Variants in TMEM179 observed in about 807,000 individuals in gnomAD.
TMEM179 encodes transmembrane protein 179.
TMEM179 carries 17 observed loss-of-function variants against 22.2 expected under a neutral mutation model. The observed-to-expected ratio is 0.77, with a 90% CI of 0.52 to 1.15. The LOEUF is 1.15. Among genes scored for constraint, TMEM179 ranks in the 50% most tolerant of loss-of-function variants. The pLI, the probability that TMEM179 is intolerant of heterozygous loss-of-function variation, is 0.00. For synonymous variants in TMEM179, 127 were observed against 140.5 expected (o/e 0.90, Z 0.68); for missense variants, 265 against 313.6 (o/e 0.84, Z 1.17).
At chr14:104,603,092 G>A (rs1887292557) in intron 1 of TMEM179, among the ~76,000 whole-genome samples, 2 of 152,176 alleles carry the variant, frequency 1.3e-5, no homozygotes, top group Admixed American at 6.5e-5. Flanking sequence ...TCCAGTTGGT[G>A]CAACTGTGCT....
chr14:104,602,238 C>T (rs1887262356), intron 1 of TMEM179, among the ~76,000 whole-genome samples: 1 of 152,220 alleles, frequency 6.6e-6, no homozygotes, highest in South Asian at 2.1e-4. Context: ...GTCTTGCAAG[C>T]TCTGGGGCTC....
At chr14:104,594,408 G>A (rs1481091510) in intron 3 of TMEM179, 3 of 1,231,628 alleles carry the variant, frequency 2.4e-6, no homozygotes, top group Non-Finnish European at 3.0e-6. Context: ...GAAGCCAGCG[G>A]GCCCTGATCA....
chr14:104,600,226 C>G (rs1028876304), intron 1 of TMEM179, among the ~76,000 whole-genome samples: 3 of 152,220 alleles, frequency 2.0e-5, no homozygotes, highest in Non-Finnish European at 2.9e-5. Flanking sequence ...ACAGGGCCAC[C>G]CAGCCCCTCC....
chr14:104,600,613 CTCAT>C (rs572258329), intron 1 of TMEM179, among the ~76,000 whole-genome samples: 2,036 of 151,484 alleles, frequency 0.013, 29 homozygotes, highest in East Asian at 0.04. Context: ...CATTCATTTA[CTCAT>C]TCATTCATTC....
intron 1 of TMEM179, among the ~76,000 whole-genome samples, chr14:104,603,533 A>AGTGGGTGGGTTCACAGAGGGG (rs1887307962): frequency 6.9e-5 from 1 of 14,478 alleles, no homozygotes; most frequent in East Asian, 2.6e-3. Context: ...TCACAGAGGG[A>AGTGGGTGGGTTCACAGAGGGG]GTGGGTGGGC....
intron 2 of TMEM179, 28 bp downstream of exon 2, chr14:104,596,962 G>A (rs1596297544): frequency 1.9e-6 from 3 of 1,593,942 alleles, no homozygotes; most frequent in Non-Finnish European, 1.7e-6. Context: ...GAGGTGGGCG[G>A]AGGCCGAGGC....
At chr14:104,598,710 T>A (rs1261994082) in intron 1 of TMEM179, among the ~76,000 whole-genome samples, 1 of 152,202 alleles carries the variant, frequency 6.6e-6, no homozygotes, top group Non-Finnish European at 1.5e-5. Context: ...TTGTAACATC[T>A]GGTGCCTCCA....
At chr14:104,603,606 T>TTCACAGAGGGAGTGGATGGGC (rs1887316169) in intron 1 of TMEM179, among the ~76,000 whole-genome samples, 2 of 122,840 alleles carry the variant, frequency 1.6e-5, no homozygotes, top group African/African-American at 3.5e-5. Context: ...GGTGGGTGGA[T>TTCACAGAGGGAGTGGATGGGC]TCACAGAGGT....
rs536419475 is a variant in TMEM179 at position 104,597,136 on chromosome 14, A to T, written c.306-9T>A. The T allele has an allele frequency of 2.5e-6, 4 of 1,580,512 alleles. No homozygotes were observed. Among genetic ancestry groups the T allele is most frequent in the Non-Finnish European group, 3.4e-6 (4 of 1,164,640 alleles). ...AGGCGGAGAAGAAGGAGCTGCAGCC[A>T]GAAACAGGAGGGGCAGGCTCACTGG... is the stretch of plus-strand genomic sequence containing the variant. On this transcript the variant is annotated splice_polypyrimidine_tract_variant and intron_variant, in intron 1 of 3. Coordinates refer to ENST00000556573, the MANE Select transcript of TMEM179 (RefSeq NM_001286389.2). This position sits in a 1 kb window ranked among gnomAD's most constrained non-coding sequence, Gnocchi z 4.8.
intron 1 of TMEM179, among the ~76,000 whole-genome samples, chr14:104,601,905 G>A (rs909242225): frequency 3.3e-5 from 5 of 152,134 alleles, no homozygotes; most frequent in African/African-American, 1.2e-4. Flanking sequence ...CCACAGGCCT[G>A]AGCATACCAG....
chr14:104,603,297 C>T (rs1410890620), intron 1 of TMEM179, among the ~76,000 whole-genome samples: 1 of 152,062 alleles, frequency 6.6e-6, no homozygotes, highest in Non-Finnish European at 1.5e-5. Flanking sequence ...CTTCCCCACT[C>T]CTGCCGCCCA....
chr14:104,591,443 G>C lies in TMEM179; in HGVS notation c.*2036C>G, dbSNP rs1255811727. ...TGGAAAGAGTCCCCATGTCCAGTGG[G>C]TCAGGGCTGGAAGGGGAGACAGGGG... On this transcript the variant is annotated 3_prime_UTR_variant, in exon 4 of 4. Coordinates refer to ENST00000556573, the MANE Select transcript of TMEM179 (RefSeq NM_001286389.2). The C allele has an allele frequency of 4.4e-6, 2 of 455,842 alleles. No individual in the cohort carries two copies. Among genetic ancestry groups the C allele is most frequent in the Non-Finnish European group, 4.4e-6 (1 of 226,722 alleles). The allele number at this position is 455,842 out of a possible 1,614,324, so 28.2% of individuals were successfully genotyped here.
At position 104,592,031 on chromosome 14, in the gene TMEM179, C is replaced by T. The variant is rs1886861992; in HGVS notation, c.*1448G>A. ...CACTTGCTTCTGCGGGGCCTCAGCA[C>T]ACAGACTCTGCAGAATGGGAAGGCA... On this transcript the variant is annotated 3_prime_UTR_variant, in exon 4 of 4. Coordinates refer to ENST00000556573, the MANE Select transcript of TMEM179 (RefSeq NM_001286389.2). 1 of 156,734 alleles carries T rather than the reference C, an allele frequency of 6.4e-6. No individual in the cohort carries two copies. The highest frequency in any genetic ancestry group is 1.4e-5 in the Non-Finnish European group (1 of 70,654). The allele number at this position is 156,734 out of a possible 1,614,324, so 9.7% of individuals were successfully genotyped here. A position where few individuals can be genotyped will look rare whatever the true frequency, so the allele number is the denominator to read the frequency against.
chr14:104,599,269 C>CATGG (rs1396560369), intron 1 of TMEM179, among the ~76,000 whole-genome samples: 7 of 133,378 alleles, frequency 5.2e-5, no homozygotes, highest in African/African-American at 2.0e-4. Context: ...AGGTGTGGAC[C>CATGG]ATGGCAATGG....
Position 104,597,052 on chromosome 14 carries a change from G to A in TMEM179, c.381C>T (p.Ile127=), listed in dbSNP as rs150634463. ...ACCACATGGTGAAGCCCACGCTCAC[G>A]ATGGTGCTGGCAATGAAGACCAGGA... ...VVFLVFIAST[I]VSVGFTMWCD... The change falls in exon 2 of 4, where the codon ATC becomes ATT. Residue 127 remains isoleucine (I), a synonymous_variant. Coordinates refer to ENST00000556573, the MANE Select transcript of TMEM179 (RefSeq NM_001286389.2). This position sits in a 1 kb window ranked among gnomAD's most constrained non-coding sequence, Gnocchi z 4.8. The A allele has an allele frequency of 3.2e-5, 51 of 1,609,916 alleles. No individual in the cohort carries two copies. Among genetic ancestry groups the A allele is most frequent in the East Asian group, 1.6e-4 (7 of 44,828 alleles).
At chr14:104,594,786 C>A in intron 3 of TMEM179, 1 of 1,217,232 alleles carries the variant, frequency 8.2e-7, no homozygotes, top group Non-Finnish European at 1.0e-6. Context: ...TCTGAACAGG[C>A]CCACCCAGCG....
Position 104,591,889 on chromosome 14 carries a change from TCCGCCC to T in TMEM179, c.*1584_*1589del, listed in dbSNP as rs1886856983. On this transcript the variant is annotated 3_prime_UTR_variant, in exon 4 of 4. Transcript: ENST00000556573. ...GCCCCGGGTGGGGAGGCCCCCCGCC[TCCGCCC>T]CCGCCCCAGAACGAGTCCTCTGGAG... 5.7e-6 allele frequency: 1 copy of T among 176,820 alleles called. No homozygotes were observed. The highest frequency in any genetic ancestry group is 2.4e-5 in the African/African-American group (1 of 41,450). 11.0% of individuals were successfully genotyped at this position (176,820 alleles called of 1,614,324 possible).
intron 1 of TMEM179, among the ~76,000 whole-genome samples, chr14:104,600,473 T>C (rs75239420): frequency 0.07 from 10,682 of 152,278 alleles, 516 homozygotes; most frequent in Middle Eastern, 0.19. Context: ...GCCCACGTGC[T>C]CAATCCTCCC....
chr14:104,594,997 T>G, intron 3 of TMEM179, 168 bp downstream of exon 3: 1 of 1,422,750 alleles, frequency 7.0e-7, no homozygotes, highest in Non-Finnish European at 9.3e-7. Context: ...CCCCACCTCC[T>G]GCAGGAAGCC....
Sources: gnomAD v4.1 joint callset for allele counts (sites outside exome capture counted in the v4.1 genomes callset) on GRCh38, gnomAD v4.1.1 for gene constraint, Gnocchi (gnomAD v3.1) non-coding constraint, MANE v1.5 for transcripts, NCBI Gene and HGNC (gene_info 2026-07-23, HGNC 2026-07-21) for gene names.